Variants in MAGEB3 observed in about 807,000 individuals in gnomAD.
The protein encoded by MAGEB3 is MAGE family member B3, also known as melanoma-associated antigen B3.
For synonymous variants in MAGEB3, 91 were observed against 93.0 expected (o/e 0.98, Z 0.12); for missense variants, 191 against 262.4 (o/e 0.73, Z 1.88).
rs866969856 is a variant in MAGEB3 at position 30,231,508 on chromosome X, A to G, written c.-355-9A>G. On this transcript the variant is annotated splice_polypyrimidine_tract_variant and intron_variant, in intron 1 of 4. Coordinates refer to ENST00000361644, the MANE Select transcript of MAGEB3 (RefSeq NM_002365.5). The stretch of plus-strand genomic sequence containing the variant: ...AAATAAATATAAACTTTTTTTTTTT[A>G]ATTTTAAGGCAGGGCTCTGGCTCAC... 1.0e-5 allele frequency: 1 copy of G among 95,804 alleles called. No individual in the cohort carries two copies. The highest frequency in any genetic ancestry group is 3.6e-5 in the African/African-American group (1 of 27,972). 7.9% of individuals were successfully genotyped at this position (95,804 alleles called of 1,213,427 possible).
At position 30,236,880 on chromosome X, in the gene MAGEB3, A is replaced by G; in HGVS notation, c.956A>G (p.Gln319Arg). 3.3e-6 allele frequency: 4 copies of G among 1,211,703 alleles called. No homozygotes were observed. Among genetic ancestry groups the G allele is most frequent in the Admixed American group, 2.2e-5 (1 of 46,089 alleles). ...TTGAGAGATGAGGAAGAAAGAGTCC[A>G]AGCTGCAGCTATGCTCAATGATGGC... ...EALRDEEERVQAAAMLNDGSS... is the reference protein window; with the variant it reads ...EALRDEEERVRAAAMLNDGSS... Residue 319 changes from glutamine to arginine, a missense_variant, in exon 5 of 5, where the codon CAA becomes CGA. Physicochemically the swap from Gln to Arg is conservative, Grantham distance 43. Transcript: ENST00000361644.
intron 4 of MAGEB3, among the ~76,000 whole-genome samples, chrX:30,234,732 G>C (rs994421125): frequency 4.5e-5 from 5 of 111,524 alleles, no homozygotes; most frequent in African/African-American, 1.6e-4. Context: ...TGCTAATGAA[G>C]CAATCTCTCT....
chrX:30,236,241 C>G lies in MAGEB3; in HGVS notation c.317C>G (p.Ser106Cys), dbSNP rs1924975319. ...CAGGGTCTATCCTCCACTGTGCAGT[C>G]TCGCACAGACCCTCTAATCATGAAG... ...FSQGLSSTVQ[S>C]RTDPLIMKTN... Residue 106 changes from serine (S) to cysteine (C), a missense_variant, in exon 5 of 5, where the codon TCT (serine) becomes TGT (cysteine). Coordinates refer to ENST00000361644, the MANE Select transcript of MAGEB3 (RefSeq NM_002365.5). 8.3e-7 allele frequency: 1 copy of G among 1,205,322 alleles called. No homozygotes were observed. The highest frequency in any genetic ancestry group is 1.8e-5 in the South Asian group (1 of 55,996).
Position 30,236,185 on chromosome X carries a change from C to T in MAGEB3, c.261C>T (p.Asn87=), listed in dbSNP as rs1263071634. The T allele has an allele frequency of 8.3e-7, 1 of 1,208,805 alleles. No homozygotes were observed. The highest frequency in any genetic ancestry group is 3.0e-5 in the East Asian group (1 of 33,744). The change falls in exon 5 of 5, where the codon AAC becomes AAT. Residue 87 remains asparagine, a synonymous_variant. Coordinates refer to ENST00000361644, the MANE Select transcript of MAGEB3 (RefSeq NM_002365.5). ...VSYKKSYKGA[N]SKIEKKQSFS... ...ACAAAAAGTCATACAAGGGAGCCAA[C>T]AGCAAAATTGAGAAAAAGCAAAGCT... is the stretch of plus-strand genomic sequence containing the variant.
chrX:30,235,375 A>G (rs988515394), intron 4 of MAGEB3, among the ~76,000 whole-genome samples: 5 of 111,350 alleles, frequency 4.5e-5, no homozygotes, highest in Admixed American at 3.8e-4. Flanking sequence ...CAGGACTCCA[A>G]TAAGCCCAGG....
Position 30,230,725 on chromosome X carries a change from C to A in MAGEB3, c.-448C>A, listed in dbSNP as rs1464073808. Reference sequence around the variant, plus strand: ...GGCCTAATGTGGCTCATCAAAACTTCAGCCTAGATCTCGGAGGACCTTGAT... The same window carrying A: ...GGCCTAATGTGGCTCATCAAAACTTAAGCCTAGATCTCGGAGGACCTTGAT... On this transcript the variant is annotated 5_prime_UTR_variant, in exon 1 of 5. The change creates a premature stop within an existing upstream ORF in the 5' untranslated region. Transcript: ENST00000361644. 9.0e-6 allele frequency: 1 copy of A among 111,215 alleles called. No individual in the cohort carries two copies. Among genetic ancestry groups the A allele is most frequent in the African/African-American group, 3.3e-5 (1 of 30,535 alleles). The allele number at this position is 111,215 out of a possible 1,213,427, so 9.2% of individuals were successfully genotyped here. A position where few individuals can be genotyped will look rare whatever the true frequency, so the allele number is the denominator to read the frequency against.
At chrX:30,232,316 A>G (rs1195716892) in intron 2 of MAGEB3, among the ~76,000 whole-genome samples, 2 of 111,817 alleles carry the variant, frequency 1.8e-5, no homozygotes, top group Non-Finnish European at 3.8e-5. Flanking sequence ...GGCCCTAACT[A>G]GAGTCAAGAT....
intron 4 of MAGEB3, among the ~76,000 whole-genome samples, chrX:30,235,046 G>T (rs993377486): frequency 1.8e-5 from 2 of 111,762 alleles, no homozygotes; most frequent in Non-Finnish European, 3.8e-5. Context: ...TGCCAGAAAG[G>T]TTGAACTAAT....
intron 4 of MAGEB3, 25 bp from the exon 5 acceptor site, chrX:30,235,839 C>T: frequency 4.2e-6 from 3 of 718,436 alleles, no homozygotes; most frequent in East Asian, 3.2e-5. Flanking sequence ...GGCACTCATA[C>T]CCTCTCTTTC....
chrX:30,232,803 CT>C (rs140973103), intron 2 of MAGEB3, 23 bp from the exon 3 acceptor site: 44,286 of 107,389 alleles, frequency 0.41, 6,938 homozygotes, highest in South Asian at 0.53. Flanking sequence ...TAAATATAAA[CT>C]TTTTTTTATT....
At chrX:30,235,337 G>T (rs923460318) in intron 4 of MAGEB3, among the ~76,000 whole-genome samples, 6 of 111,478 alleles carry the variant, frequency 5.4e-5, no homozygotes, top group African/African-American at 2.0e-4. Flanking sequence ...CCTATCTAGA[G>T]ACAAGATGAG....
rs1925017259 is a variant in MAGEB3, at chrX:30,237,371, A to T, written c.*406A>T. ...ATAGAGAAAGAGTGTAAGATGGTCA[A>T]TATTTGGTTTCCTAAATGCTTTTAC... On this transcript the variant is annotated 3_prime_UTR_variant, in exon 5 of 5. Transcript: ENST00000361644. The T allele has an allele frequency of 7.4e-6, 1 of 135,625 alleles. No individual in the cohort carries two copies. Among genetic ancestry groups the T allele is most frequent in the Admixed American group, 9.0e-5 (1 of 11,114 alleles). 11.2% of individuals were successfully genotyped at this position (135,625 alleles called of 1,213,427 possible).
At chrX:30,233,448 G>A (rs1451533928) in intron 4 of MAGEB3, 85 bp downstream of exon 4, 2 of 89,305 alleles carry the variant, frequency 2.2e-5, no homozygotes, top group African/African-American at 4.0e-5. Context: ...AAGAAAGAAA[G>A]AAAGAAAGAA....
In MAGEB3 at chrX:30,237,223, C is replaced by G. The variant is rs1325520852; in HGVS notation, c.*258C>G. ...GTAAAAATTTTGCTGTTTTGTAAAA[C>G]AGATTGAGAAAAATTCGATCTTATT... On this transcript the variant is annotated 3_prime_UTR_variant, in exon 5 of 5. Transcript: ENST00000361644. The G allele has an allele frequency of 7.4e-5, 21 of 284,389 alleles. No homozygotes were observed. The highest frequency in any genetic ancestry group is 1.3e-4 in the Non-Finnish European group (20 of 156,759). The allele number at this position is 284,389 out of a possible 1,213,427, so 23.4% of individuals were successfully genotyped here.
rs1009784572 is a variant in MAGEB3, at chrX:30,236,134, C to T, written c.210C>T (p.Ser70=). 2 of 1,205,655 alleles carry T rather than the reference C, an allele frequency of 1.7e-6. No individual in the cohort carries two copies. Among genetic ancestry groups the T allele is most frequent in the East Asian group, 3.0e-5 (1 of 33,694 alleles). Residue 70 remains serine (S), a synonymous_variant, in exon 5 of 5, where the codon TCC becomes TCT. Coordinates refer to ENST00000361644, the MANE Select transcript of MAGEB3 (RefSeq NM_002365.5). Reference sequence around the variant, plus strand: ...TCAAGAAGCCTCAGAGAGCACTATCCACCACTACATCTGTAGATGTTTCTT... The same window carrying T: ...TCAAGAAGCCTCAGAGAGCACTATCTACCACTACATCTGTAGATGTTTCTT... The part of the protein sequence containing the change: ...SALKKPQRAL[S]TTTSVDVSYK...
chrX:30,236,358 A>G lies in MAGEB3; in HGVS notation c.434A>G (p.His145Arg). Residue 145 changes from histidine to arginine, a missense_variant, in exon 5 of 5, where the codon CAT becomes CGT. Physicochemically the swap from His to Arg is conservative, Grantham distance 29 (BLOSUM62 0). Coordinates refer to ENST00000361644, the MANE Select transcript of MAGEB3 (RefSeq NM_002365.5). ...ATGCTAAAAATTGTCCAAAAAAGCC[A>G]TAAGAATTGCTTCCCTGAGATCCTT... Reference protein sequence around the residue: ...ADMLKIVQKSHKNCFPEILKK... With the variant: ...ADMLKIVQKSRKNCFPEILKK... The G allele has an allele frequency of 1.7e-6, 2 of 1,210,475 alleles. No homozygotes were observed. The highest frequency in any genetic ancestry group is 2.2e-6 in the Non-Finnish European group (2 of 894,984).
At chrX:30,234,776 C>T (rs1924930152) in intron 4 of MAGEB3, among the ~76,000 whole-genome samples, 1 of 111,270 alleles carries the variant, frequency 9.0e-6, no homozygotes, top group African/African-American at 3.3e-5. Flanking sequence ...AATGTCCTTG[C>T]ACTCATTTTG....
At position 30,236,809 on chromosome X, in the gene MAGEB3, C is replaced by T. The variant is rs1263098811; in HGVS notation, c.885C>T (p.Val295=). ...KMKVLEFWAK[V]NKTVPSAFQF... ...AGGTCCTGGAGTTTTGGGCCAAGGTCAATAAAACTGTCCCCAGTGCGTTCC... is the reference window on the plus strand; with the variant it reads ...AGGTCCTGGAGTTTTGGGCCAAGGTTAATAAAACTGTCCCCAGTGCGTTCC... Residue 295 remains valine, a synonymous_variant, in exon 5 of 5, where the codon GTC becomes GTT. Transcript: ENST00000361644. The T allele has an allele frequency of 8.3e-7, 1 of 1,210,223 alleles. No homozygotes were observed. The highest frequency in any genetic ancestry group is 1.7e-5 in the African/African-American group (1 of 57,199).
rs1456710254 is a variant in MAGEB3 at position 30,232,904 on chromosome X, C to T, written c.-176C>T. ...GCCTCATCGCTTAAGCACAGGAGTT[C>T]GCGGACTGGGAGGTGAGCTGCCCCT... On this transcript the variant is annotated 5_prime_UTR_variant, in exon 3 of 5. Transcript: ENST00000361644. 1.9e-5 allele frequency: 2 copies of T among 107,515 alleles called. No homozygotes were observed. The highest frequency in any genetic ancestry group is 6.8e-5 in the African/African-American group (2 of 29,415). The allele number at this position is 107,515 out of a possible 1,213,427, so 8.9% of individuals were successfully genotyped here.
Sources: gnomAD v4.1 joint callset for allele counts (sites outside exome capture counted in the v4.1 genomes callset) on GRCh38, gnomAD v4.1.1 for gene constraint, MANE v1.5 for transcripts, NCBI Gene and HGNC (gene_info 2026-07-23, HGNC 2026-07-21) for gene names.